Variants in CSMD1 observed in about 807,000 individuals in gnomAD.
CSMD1 encodes the protein CUB and sushi domain-containing protein 1.
In CSMD1, 213 loss-of-function variants were observed where a neutral mutation model predicts 417.5. The ratio of observed to expected loss-of-function variants is 0.51; its 90% CI spans 0.46 to 0.57. The LOEUF is 0.57. CSMD1 is among the 20% of genes least tolerant of loss of function. The pLI, the probability that CSMD1 is intolerant of heterozygous loss-of-function variation, is 0.00. For synonymous variants in CSMD1, 2,862 were observed against 1,736.8 expected, an observed-to-expected ratio of 1.65 and a Z score of -16.11; for missense variants, 6,923 against 4,529.7, an observed-to-expected ratio of 1.53 and a Z score of -15.17.
chr8:4,861,341 A>G lies in CSMD1; in HGVS notation c.85+132991T>C, dbSNP rs143797490. On this transcript the variant is annotated intron_variant, in intron 1 of 69. Coordinates refer to ENST00000635120, the MANE Select transcript of CSMD1 (RefSeq NM_033225.6). ...ATCAAACAAAAATGTGAAGCTTGAC[A>G]TTTCAGGCTTTATGGGTTCAATAGT... 7.6e-4 allele frequency among the ~76,000 whole-genome samples: 116 copies of G among 152,212 alleles called. 2 individuals carry two copies. The highest frequency in any genetic ancestry group is 2.7e-3 in the African/African-American group (113 of 41,496).
chr8:4,642,609 G>T (rs1185130761), intron 1 of CSMD1, among the ~76,000 whole-genome samples: 1 of 152,142 alleles, frequency 6.6e-6, no homozygotes, highest in Admixed American at 6.5e-5. Flanking sequence ...TCCTGGGCTG[G>T]GTGGGCATTC....
chr8:3,873,109 T>G (rs911905862), intron 5 of CSMD1, among the ~76,000 whole-genome samples: 7 of 151,752 alleles, frequency 4.6e-5, no homozygotes, highest in African/African-American at 1.7e-4. Flanking sequence ...TTGGTGGGAG[T>G]GTAAATTAGT....
chr8:4,719,588 T>C (rs1403059069), intron 1 of CSMD1, among the ~76,000 whole-genome samples: 1 of 146,730 alleles, frequency 6.8e-6, no homozygotes, highest in East Asian at 2.1e-4. Flanking sequence ...TAAGATAGCA[T>C]AGAACTTTGG....
chr8:3,506,955 T>C (rs1459015317), intron 10 of CSMD1, among the ~76,000 whole-genome samples: 1 of 152,330 alleles, frequency 6.6e-6, no homozygotes, highest in Non-Finnish European at 1.5e-5. Flanking sequence ...ACTTAACTAA[T>C]TTAGGAAGTT....
chr8:3,463,540 T>C (rs544067844), intron 12 of CSMD1, among the ~76,000 whole-genome samples: 1 of 152,314 alleles, frequency 6.6e-6, no homozygotes, highest in Admixed American at 6.5e-5. Context: ...AGGCACTGTC[T>C]TGTCTGACTA....
chr8:3,945,783 G>A (rs17068125), intron 5 of CSMD1, among the ~76,000 whole-genome samples: 21,909 of 152,050 alleles, frequency 0.14, 2,229 homozygotes, highest in African/African-American at 0.29. Context: ...GAAAGTAGAT[G>A]AGAAGCAATT....
At chr8:4,357,768 G>T (rs1801511718) in intron 3 of CSMD1, among the ~76,000 whole-genome samples, 1 of 152,010 alleles carries the variant, frequency 6.6e-6, no homozygotes, top group Non-Finnish European at 1.5e-5. Context: ...AAAGAAAAAT[G>T]AAAAGAATAA....
At chr8:3,008,470 T>C (rs892487894) in intron 52 of CSMD1, among the ~76,000 whole-genome samples, 1 of 152,250 alleles carries the variant, frequency 6.6e-6, no homozygotes, top group Non-Finnish European at 1.5e-5. Flanking sequence ...CCTTTGTTTC[T>C]AGAGTTCCAT....
chr8:3,992,963 A>C (rs1814872862), intron 5 of CSMD1, among the ~76,000 whole-genome samples: 1 of 152,258 alleles, frequency 6.6e-6, no homozygotes, highest in Non-Finnish European at 1.5e-5. Flanking sequence ...AGAAACAAAG[A>C]AAGATGGAAA....
chr8:4,933,665 G>A (rs1228162941), intron 1 of CSMD1, among the ~76,000 whole-genome samples: 1 of 152,150 alleles, frequency 6.6e-6, no homozygotes, highest in African/African-American at 2.4e-5. Context: ...ATGGATAGAT[G>A]AAAGGAAGGA....
chr8:4,046,215 C>T (rs1174911586), intron 3 of CSMD1, among the ~76,000 whole-genome samples: 2 of 151,942 alleles, frequency 1.3e-5, no homozygotes, highest in East Asian at 1.9e-4. Flanking sequence ...ATAATAAAAG[C>T]ATTTTAACAA....
At chr8:4,058,649 C>T (rs1798819125) in intron 3 of CSMD1, among the ~76,000 whole-genome samples, 1 of 148,566 alleles carries the variant, frequency 6.7e-6, no homozygotes. Flanking sequence ...ATCCTAGTCT[C>T]TGATAAAACA....
At chr8:4,006,267 A>G (rs909394714) in intron 4 of CSMD1, among the ~76,000 whole-genome samples, 1 of 152,222 alleles carries the variant, frequency 6.6e-6, no homozygotes, top group African/African-American at 2.4e-5. Flanking sequence ...CCACAGGATC[A>G]TGACTCTGGA....
chr8:4,017,324 G>A (rs1755250901), intron 4 of CSMD1, among the ~76,000 whole-genome samples: 1 of 152,002 alleles, frequency 6.6e-6, no homozygotes, highest in African/African-American at 2.4e-5. Flanking sequence ...AGGGGAGGGA[G>A]GACAAAGTTT....
At chr8:3,801,647 T>C (rs1044552189) in intron 5 of CSMD1, among the ~76,000 whole-genome samples, 7 of 151,118 alleles carry the variant, frequency 4.6e-5, no homozygotes, top group Non-Finnish European at 7.4e-5. Flanking sequence ...ACTGAAAACA[T>C]ATAGTAACAC....
chr8:3,879,494 C>T (rs1256543741), intron 5 of CSMD1, among the ~76,000 whole-genome samples: 1 of 152,118 alleles, frequency 6.6e-6, no homozygotes, highest in East Asian at 1.9e-4. Context: ...GGGACAGAGA[C>T]CAAGTTACCG....
intron 3 of CSMD1, among the ~76,000 whole-genome samples, chr8:4,088,424 C>G (rs1800536182): frequency 6.6e-6 from 1 of 152,234 alleles, no homozygotes; most frequent in Admixed American, 6.5e-5. Flanking sequence ...CCTCTCCAAA[C>G]TCACTGAATT....
chr8:4,063,770 A>C (rs1799101848), intron 3 of CSMD1, among the ~76,000 whole-genome samples: 1 of 152,184 alleles, frequency 6.6e-6, no homozygotes, highest in Admixed American at 6.5e-5. Context: ...TTTCATATCT[A>C]CTTCTTCATT....
At chr8:4,121,552 C>T (rs1221646688) in intron 3 of CSMD1, among the ~76,000 whole-genome samples, 1 of 149,624 alleles carries the variant, frequency 6.7e-6, no homozygotes, top group East Asian at 2.0e-4. Flanking sequence ...AAGCAATTGT[C>T]TAAAATGTAA....
Sources: gnomAD v4.1 joint callset for allele counts (sites outside exome capture counted in the v4.1 genomes callset) on GRCh38, gnomAD v4.1.1 for gene constraint, MANE v1.5 for transcripts, NCBI Gene and HGNC (gene_info 2026-07-23, HGNC 2026-07-21) for gene names.